Variants in MACROD2 observed in about 807,000 individuals in gnomAD.
MACROD2 encodes the protein mono-ADP ribosylhydrolase 2, also known as ADP-ribose glycohydrolase MACROD2.
In MACROD2, 36 loss-of-function variants were observed where a neutral mutation model predicts 70.4. The observed-to-expected ratio is 0.51, with a 90% CI of 0.39 to 0.68. The LOEUF (loss-of-function observed/expected upper bound fraction) is 0.68, where lower values mean the gene tolerates loss of function less well. Among genes scored for constraint, MACROD2 ranks in the 30% least tolerant of loss-of-function variants. MACROD2 has a pLI of 0.00. For synonymous variants in MACROD2, 172 were observed against 178.8 expected (o/e 0.96, Z 0.30); for missense variants, 496 against 538.4 (o/e 0.92, Z 0.78).
intron 15 of MACROD2, among the ~76,000 whole-genome samples, chr20:16,011,962 T>A (rs1038387890): frequency 1.4e-5 from 2 of 143,856 alleles, no homozygotes; most frequent in Non-Finnish European, 3.0e-5. Flanking sequence ...ATGGTCCTGC[T>A]TAGGGTCACT....
At chr20:14,516,230 C>A (rs1401075581) in intron 4 of MACROD2, among the ~76,000 whole-genome samples, 2 of 151,728 alleles carry the variant, frequency 1.3e-5, no homozygotes, top group African/African-American at 4.8e-5. Context: ...TTTTATCTTT[C>A]AACATTTAAT....
At chr20:14,652,388 C>A (rs1302960542) in intron 4 of MACROD2, among the ~76,000 whole-genome samples, 1 of 152,188 alleles carries the variant, frequency 6.6e-6, no homozygotes, top group African/African-American at 2.4e-5. Context: ...AGATACCATA[C>A]ACATTATTAA....
chr20:14,200,430 G>A (rs2081469790), intron 3 of MACROD2, among the ~76,000 whole-genome samples: 1 of 152,054 alleles, frequency 6.6e-6, no homozygotes, highest in East Asian at 1.9e-4. Flanking sequence ...TAACCAATGA[G>A]TACTACGCTT....
At chr20:15,734,019 C>T (rs1371761166) in intron 8 of MACROD2, among the ~76,000 whole-genome samples, 3 of 152,040 alleles carry the variant, frequency 2.0e-5, no homozygotes, top group African/African-American at 7.3e-5. Flanking sequence ...GAGATGTATA[C>T]AGAGTGCTGT....
intron 8 of MACROD2, among the ~76,000 whole-genome samples, chr20:15,604,888 C>T (rs2048871745): frequency 6.6e-6 from 1 of 152,050 alleles, no homozygotes; most frequent in African/African-American, 2.4e-5. Flanking sequence ...AAGTGTCCAC[C>T]CTTCTTTCCC....
In MACROD2 at chr20:15,615,106, T is replaced by G. The variant is rs187505718; in HGVS notation, c.645+115259T>G. On this transcript the variant is annotated intron_variant, in intron 8 of 17. Transcript: ENST00000684519. ...CGAAAGGGTAGCCAAGGTGAAGGCC[T>G]CGTGGTTCTGAGGAGACGACAGCAC... Among the ~76,000 whole-genome samples, 58 of 152,244 alleles carry G rather than the reference T, an allele frequency of 3.8e-4. No individual in the cohort carries two copies. In the Middle Eastern group the frequency reaches 0.014, roughly 36 times the overall value.
intron 8 of MACROD2, among the ~76,000 whole-genome samples, chr20:15,537,569 G>A (rs974257603): frequency 2.1e-4 from 32 of 149,408 alleles, no homozygotes; most frequent in Middle Eastern, 3.4e-3. Flanking sequence ...CACCTCCCAG[G>A]TTCAAGCAAT....
intron 5 of MACROD2, among the ~76,000 whole-genome samples, chr20:14,718,388 T>TTA (rs2071422989): frequency 6.6e-6 from 1 of 150,842 alleles, no homozygotes; most frequent in South Asian, 2.1e-4. Flanking sequence ...GGAAACAGTG[T>TTA]GGGTGCATGT....
chr20:14,970,663 T>G (rs1045738868), intron 5 of MACROD2, among the ~76,000 whole-genome samples: 26 of 151,862 alleles, frequency 1.7e-4, no homozygotes, highest in Non-Finnish European at 3.5e-4. Flanking sequence ...ATTCATTGAT[T>G]TAAGAGAGTA....
At chr20:15,810,405 G>C (rs960696869) in intron 8 of MACROD2, among the ~76,000 whole-genome samples, 2 of 151,494 alleles carry the variant, frequency 1.3e-5, no homozygotes, top group African/African-American at 4.9e-5. Context: ...GGGTCAAATG[G>C]TATTTCTAGT....
intron 6 of MACROD2, among the ~76,000 whole-genome samples, chr20:15,395,154 T>C (rs764755681): frequency 3.9e-4 from 60 of 152,188 alleles, no homozygotes; most frequent in Non-Finnish European, 7.5e-4. Flanking sequence ...GTTGTTAATA[T>C]TCACCAATGA....
chr20:15,319,589 C>T (rs1308009999), intron 6 of MACROD2, among the ~76,000 whole-genome samples: 1 of 152,154 alleles, frequency 6.6e-6, no homozygotes, highest in Non-Finnish European at 1.5e-5. Context: ...TTGGCAGTTC[C>T]TTAAAAGGCT....
intron 3 of MACROD2, among the ~76,000 whole-genome samples, chr20:14,433,717 T>C (rs912476754): frequency 1.7e-4 from 26 of 152,290 alleles, no homozygotes; most frequent in African/African-American, 6.0e-4. Context: ...TTTACCTGAA[T>C]ATTGTCTCAC....
At chr20:15,144,041 C>T (rs1469857789) in intron 5 of MACROD2, among the ~76,000 whole-genome samples, 1 of 151,632 alleles carries the variant, frequency 6.6e-6, no homozygotes, top group African/African-American at 2.4e-5. Flanking sequence ...TCCTGGGCCT[C>T]ATGTGGGTCG....
At chr20:15,231,537 G>A (rs1169247637) in intron 6 of MACROD2, among the ~76,000 whole-genome samples, 1 of 151,958 alleles carries the variant, frequency 6.6e-6, no homozygotes, top group Non-Finnish European at 1.5e-5. Context: ...TTTGCTAGTG[G>A]AATCACTGGC....
intron 10 of MACROD2, among the ~76,000 whole-genome samples, chr20:15,902,759 G>A (rs1401867805): frequency 6.6e-6 from 1 of 152,080 alleles, no homozygotes; most frequent in South Asian, 2.1e-4. Context: ...TGAGTGAACC[G>A]TCTTGGAGTC....
chr20:15,637,257 CAG>C (rs1476087231), intron 8 of MACROD2, among the ~76,000 whole-genome samples: 2 of 152,170 alleles, frequency 1.3e-5, no homozygotes, highest in African/African-American at 2.4e-5. Context: ...GTCTGTAAAA[CAG>C]GGGAAAGAAC....
intron 8 of MACROD2, among the ~76,000 whole-genome samples, chr20:15,686,325 T>C (rs2146868493): frequency 6.6e-6 from 1 of 152,292 alleles, no homozygotes; most frequent in Non-Finnish European, 1.5e-5. Flanking sequence ...CAAGTGGATG[T>C]CTCATTCTTC....
At chr20:15,627,228 CAAAAAAA>C (rs33936061) in intron 8 of MACROD2, among the ~76,000 whole-genome samples, 3 of 93,994 alleles carry the variant, frequency 3.2e-5, no homozygotes, top group Non-Finnish European at 4.6e-5. Context: ...AAAAGATTAC[CAAAAAAA>C]AAAAAAAAAA....
Sources: allele counts gnomAD v4.1 joint callset (sites outside exome capture counted in the v4.1 genomes callset), GRCh38; gene constraint gnomAD v4.1.1; transcripts MANE v1.5; gene names NCBI Gene and HGNC (gene_info 2026-07-23, HGNC 2026-07-21).